FOXP1: variants seen among roughly 807,000 people sequenced by gnomAD.
FOXP1 encodes forkhead box protein P1.
A neutral mutation model predicts 98.2 loss-of-function variants in FOXP1; 15 were observed. That is an observed-to-expected ratio of 0.15 (90% CI 0.10 to 0.24). The LOEUF is 0.24. Among genes scored for constraint, FOXP1 ranks in the 10% least tolerant of loss-of-function variants. The pLI, the probability that FOXP1 is intolerant of heterozygous loss-of-function variation, is 1.00. For synonymous variants in FOXP1, 371 were observed against 314.5 expected (o/e 1.18, Z -1.90); for missense variants, 633 against 848.5 (o/e 0.75, Z 3.15).
intron 2 of FOXP1, among the ~76,000 whole-genome samples, chr3:71,509,494 C>G (rs947971204): frequency 5.9e-5 from 9 of 152,158 alleles, no homozygotes; most frequent in African/African-American, 1.2e-4. Flanking sequence ...GTCCCTATCT[C>G]CAAATACAGT....
At chr3:71,133,005 T>C (rs574488832) in intron 6 of FOXP1, among the ~76,000 whole-genome samples, 1 of 148,752 alleles carries the variant, frequency 6.7e-6, no homozygotes, top group African/African-American at 2.5e-5. Context: ...CAAGCAAACA[T>C]AGTTGCTTTC....
At chr3:71,223,531 T>C (rs907622392) in intron 5 of FOXP1, among the ~76,000 whole-genome samples, 39 of 151,858 alleles carry the variant, frequency 2.6e-4, no homozygotes, top group Admixed American at 1.1e-3. Context: ...CAGTCTCTAC[T>C]AAAAATACAA....
At chr3:71,138,205 A>T (rs138614845) in intron 6 of FOXP1, among the ~76,000 whole-genome samples, 22 of 152,322 alleles carry the variant, frequency 1.4e-4, no homozygotes, top group Non-Finnish European at 2.1e-4. Flanking sequence ...GTGGAGGAAG[A>T]AGCGAATGCT....
At chr3:70,990,301 C>T (rs1259979842) in intron 13 of FOXP1, among the ~76,000 whole-genome samples, 3 of 152,188 alleles carry the variant, frequency 2.0e-5, no homozygotes, top group Non-Finnish European at 4.4e-5. Flanking sequence ...AGAAACCCGC[C>T]AAATTCAGTT....
At chr3:71,505,378 G>A (rs1416588132) in intron 2 of FOXP1, among the ~76,000 whole-genome samples, 2 of 149,218 alleles carry the variant, frequency 1.3e-5, no homozygotes, top group Non-Finnish European at 3.0e-5. Context: ...TATGAGGCAT[G>A]CACTCAGTCC....
chr3:71,324,909 G>A (rs965127118), intron 4 of FOXP1, among the ~76,000 whole-genome samples: 1 of 152,192 alleles, frequency 6.6e-6, no homozygotes, highest in African/African-American at 2.4e-5. Context: ...AGAAAGGCAA[G>A]CCCTAGGCCA....
intron 3 of FOXP1, among the ~76,000 whole-genome samples, chr3:71,441,679 C>A (rs1020836485): frequency 6.6e-6 from 1 of 152,190 alleles, no homozygotes; most frequent in Non-Finnish European, 1.5e-5. Flanking sequence ...GGGTGGTGTT[C>A]TTACCTCTGC....
chr3:71,318,836 C>G (rs1215296857), intron 4 of FOXP1, among the ~76,000 whole-genome samples: 1 of 152,136 alleles, frequency 6.6e-6, no homozygotes, highest in East Asian at 1.9e-4. Context: ...AAAACCTCTT[C>G]AGAGTAAAAC....
chr3:71,294,070 A>G (rs928197657), intron 5 of FOXP1, among the ~76,000 whole-genome samples: 2 of 152,242 alleles, frequency 1.3e-5, no homozygotes, highest in Non-Finnish European at 2.9e-5. Flanking sequence ...AAGTAAATCT[A>G]TACAAACAGA....
chr3:71,001,111 A>G, intron 12 of FOXP1, 52 bp from the exon 13 acceptor site: 1 of 1,383,888 alleles, frequency 7.2e-7, no homozygotes, highest in Non-Finnish European at 1.0e-6. Context: ...CAAAAAGGAA[A>G]ATATAAGTTA....
At chr3:71,034,957 G>A (rs1312386142) in intron 11 of FOXP1, among the ~76,000 whole-genome samples, 1 of 152,190 alleles carries the variant, frequency 6.6e-6, no homozygotes, top group Non-Finnish European at 1.5e-5. Flanking sequence ...GACTTTTGAT[G>A]AGAACCTGTC....
chr3:71,241,842 A>G (rs547367037), intron 5 of FOXP1, among the ~76,000 whole-genome samples: 1 of 152,348 alleles, frequency 6.6e-6, no homozygotes, highest in Admixed American at 6.5e-5. Context: ...CAAATACCCA[A>G]TTTTGTTAAT....
intron 5 of FOXP1, among the ~76,000 whole-genome samples, chr3:71,281,039 CAAA>C (rs55640213): frequency 1.2e-3 from 102 of 83,548 alleles, no homozygotes; most frequent in African/African-American, 4.5e-3. Flanking sequence ...CCCTTCTCTA[CAAA>C]AAAAAAAAAA....
chr3:70,992,928 G>A (rs1211805929), intron 13 of FOXP1, among the ~76,000 whole-genome samples: 1 of 152,116 alleles, frequency 6.6e-6, no homozygotes, highest in African/African-American at 2.4e-5. Flanking sequence ...TTTCCCCGAC[G>A]TGCTCAGGGC....
chr3:71,098,189 A>G (rs1254304824), intron 7 of FOXP1, among the ~76,000 whole-genome samples: 1 of 152,190 alleles, frequency 6.6e-6, no homozygotes, highest in East Asian at 1.9e-4. Context: ...TCCTTTCAAA[A>G]TGAGAGATTT....
At chr3:71,396,348 A>G (rs533207382) in intron 3 of FOXP1, among the ~76,000 whole-genome samples, 19 of 152,284 alleles carry the variant, frequency 1.2e-4, no homozygotes, top group South Asian at 1.2e-3. Flanking sequence ...TAAGACGTGC[A>G]CCTGGGACGT....
intron 2 of FOXP1, chr3:71,571,341 G>A (rs1188494328): frequency 6.6e-6 from 1 of 152,094 alleles, no homozygotes; most frequent in Admixed American, 6.5e-5. Context: ...GACTTTAATA[G>A]CCCCTGGTTA....
intron 2 of FOXP1, among the ~76,000 whole-genome samples, chr3:71,509,676 G>C (rs2042060315): frequency 6.6e-6 from 1 of 152,086 alleles, no homozygotes; most frequent in African/African-American, 2.4e-5. Flanking sequence ...GAGGCTAGGA[G>C]TTCAAGACCA....
chr3:71,144,169 A>AG, intron 6 of FOXP1, among the ~76,000 whole-genome samples: 1 of 152,246 alleles, frequency 6.6e-6, no homozygotes, highest in Non-Finnish European at 1.5e-5. Flanking sequence ...TTTCAGCAAG[A>AG]GGGTCAGAGA....
Sources: gnomAD v4.1 joint callset for allele counts (sites outside exome capture counted in the v4.1 genomes callset) on GRCh38, gnomAD v4.1.1 for gene constraint, MANE v1.5 for transcripts, NCBI Gene and HGNC (gene_info 2026-07-23, HGNC 2026-07-21) for gene names.